The following ZNF581 variants were observed in gnomAD, a reference collection of about 807,000 sequenced individuals.
ZNF581 encodes the protein zinc finger protein 581.
ZNF581 carries 1 observed loss-of-function variant against 1.2 expected under a neutral mutation model. That is an observed-to-expected ratio of 0.83 (90% CI 0.30 to 3.95). ZNF581 has a LOEUF of 3.95. ZNF581 is among the 30% of genes most tolerant of loss of function. The pLI, the probability that ZNF581 is intolerant of heterozygous loss-of-function variation, is 0.18. For synonymous variants in ZNF581, 105 were observed against 109.2 expected (o/e 0.96, Z 0.24); for missense variants, 273 against 274.6 (o/e 0.99, Z 0.04).
upstream of ZNF581, chr19:55,640,622 G>A (rs1370350093): frequency 8.1e-6 from 8 of 985,308 alleles, no homozygotes; most frequent in Non-Finnish European, 9.6e-6. Flanking sequence ...GGCCACATCG[G>A]AGCCAATGGC....
rs745436941 is a variant in ZNF581 at position 55,644,523 on chromosome 19, A to G, written c.-19-30A>G. On this transcript the variant is annotated intron_variant, in intron 1 of 1. Transcript: ENST00000270451. This position sits in a 1 kb window ranked among gnomAD's most constrained non-coding sequence, Gnocchi z 4.3. ...GGTGCTGAGCTGCCCTCTTCTATAT[A>G]ACCTTCTTATCCCATCTCCCATCCA... 4 of 1,413,462 alleles carry G rather than the reference A, an allele frequency of 2.8e-6. No individual in the cohort carries two copies. In the African/African-American group the frequency reaches 4.3e-5, roughly 15 times the overall value. The allele number at this position is 1,413,462 out of a possible 1,614,324, so 87.6% of individuals were successfully genotyped here.
upstream of ZNF581, chr19:55,642,883 C>G: frequency 1.3e-6 from 2 of 1,563,576 alleles, no homozygotes; most frequent in Non-Finnish European, 1.7e-6. Context: ...GCGGCGCCTG[C>G]GGCAAGGCCT....
upstream of ZNF581, chr19:55,641,057 G>A (rs1419203750): frequency 1.8e-5 from 18 of 985,062 alleles, no homozygotes; most frequent in Non-Finnish European, 2.2e-5. Flanking sequence ...CAGTCCCCGC[G>A]TCCCCGGCGC....
chr19:55,644,945 AGC>A lies in ZNF581; in HGVS notation c.379_380del (p.Ala127GlnfsTer32). Reference sequence around the variant, plus strand: ...TGTGACATCTGTGGGAAGGCATTCAAGCGCGCCAGCCACTTGGCACGGCACCA... The same window carrying A: ...TGTGACATCTGTGGGAAGGCATTCAAGCGCCAGCCACTTGGCACGGCACCA... On this transcript the variant is annotated frameshift_variant, in exon 2 of 2. Coordinates refer to ENST00000270451, the MANE Select transcript of ZNF581 (RefSeq NM_016535.4). LOFTEE classifies it low-confidence loss of function (END_TRUNC). This position sits in a 1 kb window ranked among gnomAD's most constrained non-coding sequence, Gnocchi z 4.3. The A allele has an allele frequency of 6.2e-7, 1 of 1,613,258 alleles. No homozygotes were observed. Among genetic ancestry groups the A allele is most frequent in the Non-Finnish European group, 8.5e-7 (1 of 1,179,416 alleles).
chr19:55,643,350 C>G, upstream of ZNF581: 1 of 339,244 alleles, frequency 2.9e-6, no homozygotes, highest in Non-Finnish European at 5.6e-6. Context: ...GAGCGGTGAA[C>G]CGGTGGTTGT....
Position 55,644,087 on chromosome 19 carries a change from C to T in ZNF581, c.-20+313C>T, listed in dbSNP as rs530014977. Among the ~76,000 whole-genome samples, 3 of 152,196 alleles carry T rather than the reference C, an allele frequency of 2.0e-5. No individual in the cohort carries two copies. Among genetic ancestry groups the T allele is most frequent in the Admixed American group, 6.5e-5 (1 of 15,278 alleles). ...CACGTGGCTGGAGAGAGGGCCGGAACCTGGGGGTCCTAACGTCGGAGCCCC... is the reference window on the plus strand; with the variant it reads ...CACGTGGCTGGAGAGAGGGCCGGAATCTGGGGGTCCTAACGTCGGAGCCCC... On this transcript the variant is annotated intron_variant, in intron 1 of 1. Transcript: ENST00000270451. The surrounding 1 kb of genome is among the most constrained non-coding windows in gnomAD (Gnocchi z 4.3).
upstream of ZNF581, chr19:55,640,550 G>C (rs1480756534): frequency 1.0e-6 from 1 of 985,474 alleles, no homozygotes. Flanking sequence ...CCAACTATCT[G>C]GCAGCGTCTG....
At chr19:55,643,194 C>A, upstream of ZNF581, 1 of 1,164,468 alleles carries the variant, frequency 8.6e-7, no homozygotes, top group Non-Finnish European at 1.1e-6. Context: ...TCCTTCCTTA[C>A]CCCCTTTCTA....
chr19:55,642,645 G>C (rs1982590413), upstream of ZNF581: 1 of 1,421,340 alleles, frequency 7.0e-7, no homozygotes, highest in African/African-American at 1.5e-5. Flanking sequence ...GCGGGGCCCC[G>C]ACCCCCGCGG....
At chr19:55,642,705 C>T, upstream of ZNF581, 5 of 1,487,100 alleles carry the variant, frequency 3.4e-6, no homozygotes, top group Non-Finnish European at 3.6e-6. Context: ...TACACATACA[C>T]GGTGCAGCTG....
At chr19:55,639,244 C>T (rs1240268712), upstream of ZNF581, among the ~76,000 whole-genome samples, 1 of 152,080 alleles carries the variant, frequency 6.6e-6, no homozygotes, top group Non-Finnish European at 1.5e-5. Flanking sequence ...GCCAAGGATG[C>T]TGCTCAACAC....
upstream of ZNF581, chr19:55,642,329 T>C: frequency 7.9e-7 from 1 of 1,260,918 alleles, no homozygotes; most frequent in Non-Finnish European, 1.0e-6. Flanking sequence ...GGCAGCTTGA[T>C]GGAACGTGGG....
exon 1 of ZNF581, chr19:55,635,557 A>G (rs1042780403): frequency 5.3e-6 from 3 of 568,912 alleles, no homozygotes; most frequent in African/African-American, 2.0e-5. Flanking sequence ...TCTGATTGCC[A>G]GCCTCGCTGG....
chr19:55,642,194 G>A (rs951676492), upstream of ZNF581: 20 of 1,145,874 alleles, frequency 1.7e-5, no homozygotes, highest in East Asian at 4.3e-5. Context: ...GGGTTGAGAG[G>A]AGAAAAGGGA....
chr19:55,643,063 A>G, upstream of ZNF581: 1 of 1,340,434 alleles, frequency 7.5e-7, no homozygotes, highest in Non-Finnish European at 9.6e-7. Context: ...TGCCCGTCTC[A>G]GGGCCACCAA....
chr19:55,642,405 C>G, upstream of ZNF581: 1 of 1,352,044 alleles, frequency 7.4e-7, no homozygotes, highest in Non-Finnish European at 9.5e-7. Flanking sequence ...CAAAGGGTAA[C>G]AAGCAGTGAT....
chr19:55,636,915 G>A (rs1982126567), upstream of ZNF581, among the ~76,000 whole-genome samples: 1 of 152,172 alleles, frequency 6.6e-6, no homozygotes, highest in African/African-American at 2.4e-5. Context: ...GCAAGGGAAA[G>A]CCAGCACCAT....
At chr19:55,640,098 T>G (rs779297792), upstream of ZNF581, 2 of 983,968 alleles carry the variant, frequency 2.0e-6, no homozygotes, top group East Asian at 2.3e-4. Context: ...GCTGTGACAG[T>G]TACTCCTCTT....
chr19:55,641,365 A>T (rs2123626378), upstream of ZNF581, among the ~76,000 whole-genome samples: 1 of 152,136 alleles, frequency 6.6e-6, no homozygotes, highest in African/African-American at 2.4e-5. Context: ...AGGCAATAGG[A>T]GGGGCCCCAG....
Sources: allele counts gnomAD v4.1 joint callset (sites outside exome capture counted in the v4.1 genomes callset), GRCh38; gene constraint gnomAD v4.1.1; non-coding constraint Gnocchi (gnomAD v3.1); transcripts MANE v1.5; gene names NCBI Gene and HGNC (gene_info 2026-07-23, HGNC 2026-07-21).